The following OPRM1 variants were observed in gnomAD, a reference collection of about 807,000 sequenced individuals.
OPRM1 encodes mu-type opioid receptor.
A neutral mutation model predicts 31.8 loss-of-function variants in OPRM1; 27 were observed. The observed-to-expected ratio is 0.85, with a 90% CI of 0.63 to 1.17. The LOEUF (loss-of-function observed/expected upper bound fraction) is 1.17. Ranked by LOEUF, OPRM1 falls within the 50% of genes most tolerant of loss-of-function variation. OPRM1 has a pLI of 0.00. For synonymous variants in OPRM1, 196 were observed against 189.9 expected, an observed-to-expected ratio of 1.03 and a Z score of -0.26; for missense variants, 536 against 511.1, an observed-to-expected ratio of 1.05 and a Z score of -0.47.
intron 3 of OPRM1, among the ~76,000 whole-genome samples, chr6:154,092,584 C>T (rs1372504596): frequency 6.6e-6 from 1 of 152,118 alleles, no homozygotes; most frequent in Non-Finnish European, 1.5e-5. Flanking sequence ...CTAGGGGAGG[C>T]CTTTGCCACC....
chr6:154,156,761 C>T (rs1026677996), intron 3 of OPRM1: 1 of 152,210 alleles, frequency 6.6e-6, no homozygotes, highest in Non-Finnish European at 1.5e-5. Flanking sequence ...GCAAAAGACG[C>T]CCTTGCAATG....
chr6:154,047,440 C>A (rs191062610), intron 1 of OPRM1, among the ~76,000 whole-genome samples: 3,022 of 135,676 alleles, frequency 0.022, 100 homozygotes, highest in African/African-American at 0.086. Flanking sequence ...GGGCAAAATT[C>A]TCTCTCTCTC....
intron 1 of OPRM1, among the ~76,000 whole-genome samples, chr6:154,068,747 T>A (rs972260875): frequency 6.6e-6 from 1 of 152,230 alleles, no homozygotes; most frequent in African/African-American, 2.4e-5. Flanking sequence ...CTAGATCATA[T>A]GTTAGTTGTG....
At chr6:154,087,156 G>A (rs933384663) in intron 1 of OPRM1, 3 of 985,282 alleles carry the variant, frequency 3.0e-6, no homozygotes, top group Non-Finnish European at 3.6e-6. Flanking sequence ...GTCTGAAAAT[G>A]TGGAGCTTTT....
intron 3 of OPRM1, among the ~76,000 whole-genome samples, chr6:154,225,015 T>G (rs1562552523): frequency 6.6e-6 from 1 of 152,156 alleles, no homozygotes; most frequent in South Asian, 2.1e-4. Context: ...CTATGTTAGG[T>G]CTCATCAATT....
Position 154,123,938 on chromosome 6 carries a change from T to C in OPRM1, c.*5217T>C, listed in dbSNP as rs1171386359. Reference sequence around the variant, plus strand: ...TGACCTGTACCTTGTGCCAACCTCCTATCTCTTCCTGTGACTTGGAATGCC... The same window carrying C: ...TGACCTGTACCTTGTGCCAACCTCCCATCTCTTCCTGTGACTTGGAATGCC... On this transcript the variant is annotated 3_prime_UTR_variant, in exon 4 of 4. Coordinates refer to ENST00000330432, the MANE Select transcript of OPRM1 (RefSeq NM_000914.5). Among the ~76,000 whole-genome samples the C allele has an allele frequency of 6.6e-6, 1 of 152,196 alleles. No homozygotes were observed. The highest frequency in any genetic ancestry group is 2.4e-5 in the African/African-American group (1 of 41,442).
intron 3 of OPRM1, among the ~76,000 whole-genome samples, chr6:154,167,313 T>C (rs533238925): frequency 5.9e-5 from 9 of 152,230 alleles, no homozygotes; most frequent in Non-Finnish European, 1.3e-4. Flanking sequence ...GCTTCAGTAC[T>C]TCCTGTACAC....
At chr6:154,169,850 C>T (rs1161686656) in intron 3 of OPRM1, among the ~76,000 whole-genome samples, 1 of 152,202 alleles carries the variant, frequency 6.6e-6, no homozygotes, top group Non-Finnish European at 1.5e-5. Flanking sequence ...GCCAAGGAGA[C>T]TCAGTTCCAA....
chr6:154,084,453 G>A (rs996100110), intron 1 of OPRM1, among the ~76,000 whole-genome samples: 1 of 150,600 alleles, frequency 6.6e-6, no homozygotes, highest in African/African-American at 2.4e-5. Flanking sequence ...AAGTAAAAAC[G>A]CACCTGGGAT....
intron 3 of OPRM1, among the ~76,000 whole-genome samples, chr6:154,228,109 T>G (rs565036633): frequency 6.6e-6 from 1 of 152,260 alleles, no homozygotes; most frequent in East Asian, 1.9e-4. Flanking sequence ...TTGCCTATTA[T>G]ATTAACTAAA....
chr6:154,202,773 A>T (rs1396955003), intron 3 of OPRM1, among the ~76,000 whole-genome samples: 2 of 152,224 alleles, frequency 1.3e-5, no homozygotes, highest in Non-Finnish European at 2.9e-5. Flanking sequence ...ACTCAAACAC[A>T]GTGCAAATGC....
chr6:154,031,887 C>T (rs1221682556), intron 1 of OPRM1, among the ~76,000 whole-genome samples: 2 of 152,090 alleles, frequency 1.3e-5, no homozygotes, highest in Admixed American at 1.3e-4. Context: ...TAGGAGCAAA[C>T]GGTGAGTATC....
intron 1 of OPRM1, chr6:154,011,108 C>A: frequency 8.8e-7 from 1 of 1,139,208 alleles, no homozygotes; most frequent in Non-Finnish European, 1.2e-6. Flanking sequence ...ACACTCATCT[C>A]TTAAATGCTA....
At chr6:154,110,571 C>T (rs2128517003) in intron 3 of OPRM1, 4 of 589,978 alleles carry the variant, frequency 6.8e-6, no homozygotes, top group South Asian at 1.8e-5. Flanking sequence ...CAGGAGTTTC[C>T]GAGCTCTTTT....
At chr6:154,039,025 G>C (rs1440153870), upstream of OPRM1, 1 of 1,029,838 alleles carries the variant, frequency 9.7e-7, no homozygotes, top group Non-Finnish European at 1.4e-6. Context: ...TCAAGCCAAT[G>C]TATTCCCTGC....
chr6:154,160,065 AG>A (rs776649868), intron 3 of OPRM1: 71 of 1,559,240 alleles, frequency 4.6e-5, no homozygotes, highest in Non-Finnish European at 5.8e-5. Flanking sequence ...AAAAAGGGGA[AG>A]GGGGTATGTT....
intron 3 of OPRM1, among the ~76,000 whole-genome samples, chr6:154,243,817 G>A (rs1180102709): frequency 1.3e-5 from 2 of 152,136 alleles, no homozygotes; most frequent in Non-Finnish European, 2.9e-5. Context: ...GACAATTGAC[G>A]CAATCTCTCT....
At chr6:154,186,001 T>G (rs1801309889) in intron 3 of OPRM1, among the ~76,000 whole-genome samples, 1 of 152,280 alleles carries the variant, frequency 6.6e-6, no homozygotes, top group Non-Finnish European at 1.5e-5. Flanking sequence ...GCTTGTGTTC[T>G]TTGCGGCCTA....
At chr6:154,232,196 C>T (rs1779775498) in intron 3 of OPRM1, among the ~76,000 whole-genome samples, 1 of 152,188 alleles carries the variant, frequency 6.6e-6, no homozygotes, top group African/African-American at 2.4e-5. Flanking sequence ...ACACAATCTA[C>T]ATCCTGCAAC....
Sources: allele counts gnomAD v4.1 joint callset (sites outside exome capture counted in the v4.1 genomes callset), GRCh38; gene constraint gnomAD v4.1.1; transcripts MANE v1.5; gene names NCBI Gene and HGNC (gene_info 2026-07-23, HGNC 2026-07-21).